ACVR1C: variants seen among roughly 807,000 people sequenced by gnomAD.
ACVR1C encodes the protein activin receptor type-1C.
A neutral mutation model predicts 57.9 loss-of-function variants in ACVR1C; 23 were observed. The observed-to-expected ratio is 0.40, with a 90% CI of 0.29 to 0.56. The LOEUF (loss-of-function observed/expected upper bound fraction) is 0.56. Among genes scored for constraint, ACVR1C ranks in the 20% least tolerant of loss-of-function variants. The probability of loss-of-function intolerance (pLI) is 0.50; values close to 1 mark genes in which losing one functional copy is unlikely to be tolerated. For missense variants in ACVR1C, 480 were observed against 607.9 expected (o/e 0.79, Z 2.21); for synonymous variants, 214 against 215.3 (o/e 0.99, Z 0.05).
chr2:157,556,363 T>C (rs1279456835), intron 2 of ACVR1C, 31 bp from the exon 3 acceptor site: 3 of 1,601,798 alleles, frequency 1.9e-6, no homozygotes, highest in Non-Finnish European at 2.6e-6. Context: ...AACATGACCA[T>C]AAATCAAACC....
intron 1 of ACVR1C, among the ~76,000 whole-genome samples, chr2:157,606,254 G>A (rs756597314): frequency 8.6e-5 from 13 of 151,640 alleles, no homozygotes; most frequent in Non-Finnish European, 1.8e-4. Context: ...GTAGTGCTGT[G>A]ATAAACATGT....
At chr2:157,590,933 A>C (rs1008795707) in intron 1 of ACVR1C, among the ~76,000 whole-genome samples, 1 of 151,940 alleles carries the variant, frequency 6.6e-6, no homozygotes, top group East Asian at 1.9e-4. Flanking sequence ...AGGACTAATA[A>C]TAATATATCT....
intron 1 of ACVR1C, among the ~76,000 whole-genome samples, chr2:157,618,605 T>C (rs1406306562): frequency 6.6e-6 from 1 of 151,586 alleles, no homozygotes; most frequent in Non-Finnish European, 1.5e-5. Context: ...AATGGAAAAT[T>C]TATAATATGT....
At chr2:157,595,792 C>T (rs2105133550) in intron 1 of ACVR1C, among the ~76,000 whole-genome samples, 1 of 152,298 alleles carries the variant, frequency 6.6e-6, no homozygotes, top group South Asian at 2.1e-4. Context: ...AGTTTCCCAC[C>T]TCATGGCCTT....
intron 2 of ACVR1C, among the ~76,000 whole-genome samples, chr2:157,582,639 A>T (rs1178432804): frequency 1.3e-5 from 2 of 152,114 alleles, no homozygotes; most frequent in Non-Finnish European, 2.9e-5. Context: ...GAATGAATGC[A>T]CTCCTCCTAG....
rs376580711 is a variant in ACVR1C, at chr2:157,533,478, A to G, written c.*440T>C. ...CCTGCTAACTTAAAAAGGGGGAAACATAGATTGCATCACCTAAAGATAGCA... is the reference window on the plus strand; with the variant it reads ...CCTGCTAACTTAAAAAGGGGGAAACGTAGATTGCATCACCTAAAGATAGCA... On this transcript the variant is annotated 3_prime_UTR_variant, in exon 9 of 9. Transcript: ENST00000243349. 5 of 152,802 alleles carry G rather than the reference A, an allele frequency of 3.3e-5. No homozygotes were observed. In the South Asian group the frequency reaches 1.0e-3, roughly 32 times the overall value. The allele number at this position is 152,802 out of a possible 1,614,324, so 9.5% of individuals were successfully genotyped here.
chr2:157,542,662 G>C lies in ACVR1C; in HGVS notation c.1100+44C>G, dbSNP rs377742607. On this transcript the variant is annotated intron_variant, in intron 6 of 8. Coordinates refer to ENST00000243349, the MANE Select transcript of ACVR1C (RefSeq NM_145259.3). ...CACATGAGGACATTCATGCTTATTG[G>C]GCACTCTCACATCTTACTATGCTAC... is the stretch of plus-strand genomic sequence containing the variant. 31 of 1,581,048 alleles carry C rather than the reference G, an allele frequency of 2.0e-5. No individual in the cohort carries two copies. The South Asian group carries it at 3.6e-4, about 18-fold the overall frequency.
At chr2:157,598,374 T>C (rs1291856035) in intron 1 of ACVR1C, among the ~76,000 whole-genome samples, 1 of 151,206 alleles carries the variant, frequency 6.6e-6, no homozygotes, top group Non-Finnish European at 1.5e-5. Context: ...ATAAAATAGC[T>C]CACATTAAAA....
Position 157,591,360 on chromosome 2 carries a change from A to G in ACVR1C, c.74-3943T>C, listed in dbSNP as rs190791259. 2.0e-5 allele frequency among the ~76,000 whole-genome samples: 3 copies of G among 152,124 alleles called. No homozygotes were observed. In the East Asian group the frequency reaches 5.8e-4, roughly 29 times the overall value. ...AACTTGCTGATTGACTTTGGAGAAGACATTTAACCTTACAGAGCCTCAGTG... is the reference window on the plus strand; with the variant it reads ...AACTTGCTGATTGACTTTGGAGAAGGCATTTAACCTTACAGAGCCTCAGTG... On this transcript the variant is annotated intron_variant, in intron 1 of 8. Coordinates refer to ENST00000243349, the MANE Select transcript of ACVR1C (RefSeq NM_145259.3).
Position 157,587,176 on chromosome 2 carries a change from A to G in ACVR1C, c.304+11T>C. 6.3e-7 allele frequency: 1 copy of G among 1,593,796 alleles called. No homozygotes were observed. Among genetic ancestry groups the G allele is most frequent in the Non-Finnish European group, 8.6e-7 (1 of 1,161,820 alleles). On this transcript the variant is annotated intron_variant, in intron 2 of 8. Coordinates refer to ENST00000243349, the MANE Select transcript of ACVR1C (RefSeq NM_145259.3). The stretch of plus-strand genomic sequence containing the variant: ...AATTAAATTCGGAATGAACAAAGAT[A>G]AACCCCTTACCTGTTGGAAGGTGCA...
chr2:157,591,090 C>A (rs577802447), intron 1 of ACVR1C, among the ~76,000 whole-genome samples: 1 of 152,010 alleles, frequency 6.6e-6, no homozygotes, highest in African/African-American at 2.4e-5. Flanking sequence ...TGCAAACAAG[C>A]GAAACAATCA....
intron 1 of ACVR1C, among the ~76,000 whole-genome samples, chr2:157,615,239 G>C (rs190802438): frequency 1.3e-5 from 2 of 151,922 alleles, no homozygotes; most frequent in Non-Finnish European, 1.5e-5. Context: ...GGCCAAGGCA[G>C]GAGGATCACT....
At chr2:157,584,905 A>C (rs897502604) in intron 2 of ACVR1C, among the ~76,000 whole-genome samples, 1 of 152,226 alleles carries the variant, frequency 6.6e-6, no homozygotes, top group Admixed American at 6.5e-5. Flanking sequence ...CAGCAATAAA[A>C]GGAGTAAACT....
In ACVR1C at chr2:157,587,178, AC is replaced by A; in HGVS notation, c.304+8del. The stretch of plus-strand genomic sequence containing the variant: ...TTAAATTCGGAATGAACAAAGATAA[AC>A]CCCTTACCTGTTGGAAGGTGCAGTG... On this transcript the variant is annotated splice_region_variant and intron_variant, in intron 2 of 8. Coordinates refer to ENST00000243349, the MANE Select transcript of ACVR1C (RefSeq NM_145259.3). 1 of 1,595,974 alleles carries A rather than the reference AC, an allele frequency of 6.3e-7. No individual in the cohort carries two copies. Among genetic ancestry groups the A allele is most frequent in the South Asian group, 1.1e-5 (1 of 90,620 alleles).
intron 2 of ACVR1C, among the ~76,000 whole-genome samples, chr2:157,586,629 C>T (rs897165302): frequency 2.0e-5 from 3 of 152,044 alleles, no homozygotes; most frequent in Admixed American, 1.3e-4. Flanking sequence ...TATAATATGA[C>T]GAAAGGCAGA....
rs1295316068 is a variant in ACVR1C at position 157,628,681 on chromosome 2, A to T, written c.-37T>A. On this transcript the variant is annotated 5_prime_UTR_variant, in exon 1 of 9. Coordinates refer to ENST00000243349, the MANE Select transcript of ACVR1C (RefSeq NM_145259.3). The stretch of plus-strand genomic sequence containing the variant: ...GGCCGCGCCGGGGCTGCGAGGCCCC[A>T]GAGCAGAGCGAGGCAGCCGGGGCAG... 1.3e-6 allele frequency: 2 copies of T among 1,510,952 alleles called. No homozygotes were observed. The highest frequency in any genetic ancestry group is 2.5e-5 in the South Asian group (2 of 78,696). The allele number at this position is 1,510,952 out of a possible 1,614,324, so 93.6% of individuals were successfully genotyped here. A position where few individuals can be genotyped will look rare whatever the true frequency, so the allele number is the denominator to read the frequency against.
Position 157,534,015 on chromosome 2 carries a change from C to T in ACVR1C, c.1385G>A (p.Arg462His), listed in dbSNP as rs769612302. The T allele has an allele frequency of 2.1e-5, 33 of 1,582,110 alleles. No individual in the cohort carries two copies. In the Admixed American group the frequency reaches 2.8e-4, roughly 13 times the overall value. ...EALRVMGRIM[R>H]ECWYANGAAR... ...CGCTCCGTTGGCATACCAACACTCA[C>T]GCATTATTCTCCCCATGACTCGGAG... The change falls in exon 9 of 9, where the codon CGT (arginine) becomes CAT (histidine). Residue 462 changes from arginine to histidine, a missense_variant. Transcript: ENST00000243349.
At chr2:157,594,749 G>C (rs1482409402) in intron 1 of ACVR1C, among the ~76,000 whole-genome samples, 1 of 152,082 alleles carries the variant, frequency 6.6e-6, no homozygotes, top group Non-Finnish European at 1.5e-5. Context: ...AAGACCAAAA[G>C]CGACTCAAAA....
In ACVR1C at chr2:157,528,565, C is replaced by G. The variant is rs530879285; in HGVS notation, c.*5353G>C. ...AAATAGGGATTGTTACCTAATTTTGCTGTAGTATTATATTCCAAACTAATA... is the reference window on the plus strand; with the variant it reads ...AAATAGGGATTGTTACCTAATTTTGGTGTAGTATTATATTCCAAACTAATA... On this transcript the variant is annotated 3_prime_UTR_variant, in exon 9 of 9. Coordinates refer to ENST00000243349, the MANE Select transcript of ACVR1C (RefSeq NM_145259.3). 6.6e-6 allele frequency: 1 copy of G among 152,162 alleles called. No individual in the cohort carries two copies. The highest frequency in any genetic ancestry group is 6.5e-5 in the Admixed American group (1 of 15,274). 9.4% of individuals were successfully genotyped at this position (152,162 alleles called of 1,614,324 possible).
Sources: gnomAD v4.1 joint callset for allele counts (sites outside exome capture counted in the v4.1 genomes callset) on GRCh38, gnomAD v4.1.1 for gene constraint, MANE v1.5 for transcripts, NCBI Gene and HGNC (gene_info 2026-07-23, HGNC 2026-07-21) for gene names.